The following MICU3 variants were observed in gnomAD, a reference collection of about 807,000 sequenced individuals.
MICU3 encodes the protein mitochondrial calcium uptake 3.
MICU3 carries 62 observed loss-of-function variants against 66.5 expected under a neutral mutation model. The ratio of observed to expected loss-of-function variants is 0.93; its 90% CI spans 0.76 to 1.15. The LOEUF (loss-of-function observed/expected upper bound fraction) is 1.15, where lower values mean the gene tolerates loss of function less well. MICU3 is among the 50% of genes most tolerant of loss of function. The probability of loss-of-function intolerance (pLI) is 0.00; values close to 1 mark genes in which losing one functional copy is unlikely to be tolerated. For missense variants in MICU3, 779 were observed against 664.4 expected, an observed-to-expected ratio of 1.17 and a Z score of -1.90; for synonymous variants, 308 against 240.7, an observed-to-expected ratio of 1.28 and a Z score of -2.59.
rs1387001085 is a variant in MICU3 at position 17,027,771 on chromosome 8, G to A, written c.381+111G>A. The A allele has an allele frequency of 1.6e-5, 19 of 1,212,228 alleles. 1 individual carries two copies. Among genetic ancestry groups the A allele is most frequent in the Non-Finnish European group, 2.1e-6 (2 of 969,270 alleles). The allele number at this position is 1,212,228 out of a possible 1,614,324, so 75.1% of individuals were successfully genotyped here. On this transcript the variant is annotated intron_variant, in intron 1 of 14. Coordinates refer to ENST00000318063, the MANE Select transcript of MICU3 (RefSeq NM_181723.3). ...TGCAAGCGCTGTGGCCGCGGGTGAG[G>A]AACTTCCCGTGAGCGAGGCTGACAC...
intron 1 of MICU3, among the ~76,000 whole-genome samples, chr8:17,040,341 A>G (rs775823908): frequency 6.6e-6 from 1 of 152,252 alleles, no homozygotes; most frequent in Non-Finnish European, 1.5e-5. Flanking sequence ...AAATTAATTA[A>G]AAATCCAGAA....
In MICU3 at chr8:17,077,819, T is replaced by G. The variant is rs764152116; in HGVS notation, c.604T>G (p.Trp202Gly). Residue 202 changes from tryptophan (W) to glycine (G), a missense_variant, in exon 4 of 15, where the codon TGG becomes GGG. Trp to Gly is a radical substitution (Grantham distance 184, BLOSUM62 -2). Transcript: ENST00000318063. ...AATGCTCGCAGAAACACCACCAGTT[T>G]GGAAAGGCTCATCGAAGCTATTTCG... ...NQMLAETPPV[W>G]KGSSKLFRNL... 1.2e-6 allele frequency: 2 copies of G among 1,612,196 alleles called. No individual in the cohort carries two copies. The highest frequency in any genetic ancestry group is 1.7e-6 in the Non-Finnish European group (2 of 1,178,756).
chr8:17,031,899 A>G (rs1467676645), intron 1 of MICU3, among the ~76,000 whole-genome samples: 1 of 152,116 alleles, frequency 6.6e-6, no homozygotes, highest in Non-Finnish European at 1.5e-5. Flanking sequence ...CTACTTTCAG[A>G]TAATGTCTTT....
chr8:17,092,484 T>G (rs1299057698), intron 8 of MICU3, among the ~76,000 whole-genome samples: 1 of 152,022 alleles, frequency 6.6e-6, no homozygotes, highest in East Asian at 1.9e-4. Context: ...TACATTTTAT[T>G]GTAATATTTT....
intron 1 of MICU3, among the ~76,000 whole-genome samples, chr8:17,037,896 T>G (rs1813322034): frequency 6.6e-6 from 1 of 152,198 alleles, no homozygotes; most frequent in Non-Finnish European, 1.5e-5. Context: ...GCTTTAAGAT[T>G]TGCCTGTCCT....
At chr8:17,076,471 C>T (rs1820404233) in intron 3 of MICU3, among the ~76,000 whole-genome samples, 1 of 152,082 alleles carries the variant, frequency 6.6e-6, no homozygotes, top group African/African-American at 2.4e-5. Flanking sequence ...ATCAGATGCA[C>T]TGATTATCTG....
chr8:17,034,818 G>T (rs1253798582), intron 1 of MICU3, among the ~76,000 whole-genome samples: 1 of 152,236 alleles, frequency 6.6e-6, no homozygotes, highest in African/African-American at 2.4e-5. Flanking sequence ...TTGAGATGTA[G>T]TCTAATCCTG....
chr8:17,081,124 A>G (rs1276256598), intron 4 of MICU3, among the ~76,000 whole-genome samples: 1 of 152,140 alleles, frequency 6.6e-6, no homozygotes, highest in Non-Finnish European at 1.5e-5. Context: ...AGTATAAGCC[A>G]TTTAATTACA....
At chr8:17,099,160 C>T (rs1310114751) in intron 9 of MICU3, among the ~76,000 whole-genome samples, 2 of 151,710 alleles carry the variant, frequency 1.3e-5, no homozygotes, top group Admixed American at 6.6e-5. Flanking sequence ...CCCATTCTTA[C>T]ACCACTGTCA....
chr8:17,080,080 CT>C (rs911128296), intron 4 of MICU3, among the ~76,000 whole-genome samples: 27 of 146,240 alleles, frequency 1.8e-4, no homozygotes, highest in Admixed American at 2.7e-4. Flanking sequence ...ATATGCCTAG[CT>C]TTTTTTTTTG....
chr8:17,075,879 C>G (rs1373095029), intron 3 of MICU3, among the ~76,000 whole-genome samples: 1 of 150,512 alleles, frequency 6.6e-6, no homozygotes, highest in Admixed American at 6.6e-5. Flanking sequence ...TTCAGTCTTA[C>G]ACTGTAGCTG....
intron 13 of MICU3, 42 bp downstream of exon 13, chr8:17,116,642 G>C: frequency 7.3e-7 from 1 of 1,377,508 alleles, no homozygotes; most frequent in Non-Finnish European, 9.8e-7. Flanking sequence ...CCTTTTTAAA[G>C]TCTGAGGGAA....
At chr8:17,031,786 C>T (rs1328014116) in intron 1 of MICU3, among the ~76,000 whole-genome samples, 5 of 152,112 alleles carry the variant, frequency 3.3e-5, no homozygotes, top group South Asian at 2.1e-4. Flanking sequence ...TACAGAAATA[C>T]AGTTCTCTTA....
At chr8:17,127,890 T>C in the MICU3 span, among the ~76,000 whole-genome samples, 1 of 149,384 alleles carries the variant, frequency 6.7e-6, no homozygotes, top group South Asian at 2.1e-4. Context: ...GGGGTAAAAA[T>C]AATTTTTTAA....
intron 1 of MICU3, among the ~76,000 whole-genome samples, chr8:17,059,418 A>T (rs979094243): frequency 5.3e-5 from 8 of 152,214 alleles, no homozygotes; most frequent in Non-Finnish European, 1.2e-4. Flanking sequence ...TTGGCAATTC[A>T]TTAGAAGCAT....
At chr8:17,103,432 CT>C (rs1375830390) in intron 9 of MICU3, among the ~76,000 whole-genome samples, 1 of 151,874 alleles carries the variant, frequency 6.6e-6, no homozygotes, top group Non-Finnish European at 1.5e-5. Context: ...ATGTGCCTAT[CT>C]ACAGCTATTT....
At chr8:17,115,417 C>T (rs1289575636) in intron 12 of MICU3, among the ~76,000 whole-genome samples, 1 of 152,172 alleles carries the variant, frequency 6.6e-6, no homozygotes, top group Non-Finnish European at 1.5e-5. Flanking sequence ...TGATAAATCT[C>T]ATCAACGTGC....
At position 17,104,415 on chromosome 8, in the gene MICU3, G is replaced by A; in HGVS notation, c.1009G>A (p.Val337Ile). 2 of 1,425,376 alleles carry A rather than the reference G, an allele frequency of 1.4e-6. No homozygotes were observed. The highest frequency in any genetic ancestry group is 1.9e-6 in the Non-Finnish European group (2 of 1,070,398). 88.3% of individuals were successfully genotyped at this position (1,425,376 alleles called of 1,614,324 possible). The change falls in exon 10 of 15, where the codon GTA (valine) becomes ATA (isoleucine). Residue 337 changes from valine (V) to isoleucine (I), a missense_variant. Physicochemically the swap from Val to Ile is conservative, Grantham distance 29. Coordinates refer to ENST00000318063, the MANE Select transcript of MICU3 (RefSeq NM_181723.3). The stretch of plus-strand genomic sequence containing the variant: ...GCGTGCTGATGACATCACAAGTTTA[G>A]TAACAGATACTACACTTCTTGTACA... The part of the protein sequence containing the change: ...AERADDITSL[V>I]TDTTLLVHFF...
chr8:17,114,057 ATAC>A, intron 11 of MICU3, 33 bp from the exon 12 acceptor site: 3 of 1,354,102 alleles, frequency 2.2e-6, no homozygotes, highest in South Asian at 1.3e-5. Context: ...AAATTTGGCA[ATAC>A]TAAATGTATT....
Sources: gnomAD v4.1 joint callset for allele counts (sites outside exome capture counted in the v4.1 genomes callset) on GRCh38, gnomAD v4.1.1 for gene constraint, MANE v1.5 for transcripts, NCBI Gene and HGNC (gene_info 2026-07-23, HGNC 2026-07-21) for gene names.